Variants in SLC44A5 observed in about 807,000 individuals in gnomAD.
SLC44A5 encodes the protein solute carrier family 44 member 5.
In SLC44A5, 57 loss-of-function variants were observed where a neutral mutation model predicts 101.8. The ratio of observed to expected loss-of-function variants is 0.56; its 90% CI spans 0.45 to 0.70. The LOEUF (loss-of-function observed/expected upper bound fraction) is 0.70, where lower values mean the gene tolerates loss of function less well. SLC44A5 is among the 30% of genes least tolerant of loss of function. The pLI is 0.00. For synonymous variants in SLC44A5, 281 were observed against 290.9 expected, an observed-to-expected ratio of 0.97 and a Z score of 0.35; for missense variants, 737 against 853.1, an observed-to-expected ratio of 0.86 and a Z score of 1.70.
At chr1:75,410,202 G>T (rs1176007386) in intron 2 of SLC44A5, among the ~76,000 whole-genome samples, 2 of 152,062 alleles carry the variant, frequency 1.3e-5, no homozygotes, top group African/African-American at 2.4e-5. Context: ...CCAAAGCAGA[G>T]AAATATAACG....
intron 2 of SLC44A5, among the ~76,000 whole-genome samples, chr1:75,507,599 T>A (rs1669341060): frequency 6.6e-6 from 1 of 152,134 alleles, no homozygotes; most frequent in Admixed American, 6.6e-5. Context: ...CCTCCTCGAT[T>A]TTTTAAATGG....
Position 75,202,791 on chromosome 1 carries a change from G to A in SLC44A5, c.*936C>T, listed in dbSNP as rs1423925434. The A allele has an allele frequency of 2.0e-5, 3 of 151,838 alleles. No homozygotes were observed. The highest frequency in any genetic ancestry group is 4.8e-5 in the African/African-American group (2 of 41,340). The allele number at this position is 151,838 out of a possible 1,614,324, so 9.4% of individuals were successfully genotyped here. ...TCTTTGTAAAACACTGAGAAATGCAGTATTATACCTATTGTATTTTCAAAG... is the reference window on the plus strand; with the variant it reads ...TCTTTGTAAAACACTGAGAAATGCAATATTATACCTATTGTATTTTCAAAG... On this transcript the variant is annotated 3_prime_UTR_variant, in exon 24 of 24. Transcript: ENST00000370859.
intron 3 of SLC44A5, among the ~76,000 whole-genome samples, chr1:75,352,599 C>A (rs924297533): frequency 1.3e-5 from 2 of 151,966 alleles, no homozygotes; most frequent in Admixed American, 6.6e-5. Flanking sequence ...TTATTATATA[C>A]CCCCCAAAGA....
intron 2 of SLC44A5, among the ~76,000 whole-genome samples, chr1:75,405,789 T>G (rs2101470701): frequency 6.8e-6 from 1 of 146,976 alleles, no homozygotes; most frequent in South Asian, 2.2e-4. Flanking sequence ...ACATCACAAT[T>G]AAACGAACTA....
At chr1:75,343,086 A>G (rs2101042706) in intron 3 of SLC44A5, among the ~76,000 whole-genome samples, 1 of 152,270 alleles carries the variant, frequency 6.6e-6, no homozygotes, top group East Asian at 1.9e-4. Flanking sequence ...CTAAATGAAA[A>G]AAGCCACAGT....
At chr1:75,211,368 G>T in intron 23 of SLC44A5, 100 bp downstream of exon 23, 2 of 827,018 alleles carry the variant, frequency 2.4e-6, no homozygotes, top group Non-Finnish European at 3.9e-6. Flanking sequence ...GTTGCAGCCA[G>T]GTAACAGCAG....
chr1:75,347,685 A>AGTGTGTGT lies in SLC44A5; in HGVS notation c.53-8063_53-8056dup, dbSNP rs10677527. On this transcript the variant is annotated intron_variant, in intron 3 of 23. Coordinates refer to ENST00000370859, the MANE Select transcript of SLC44A5 (RefSeq NM_001130058.2). Reference sequence around the variant, plus strand: ...TCCCAGGGCTAAGGGAGTGGTGGTGAGTGTGTGTGTGTGTGTGTGTGTGTT... The same window carrying AGTGTGTGT: ...TCCCAGGGCTAAGGGAGTGGTGGTGAGTGTGTGTGTGTGTGTGTGTGTGTGTGTGTGTT... 5.1e-3 allele frequency among the ~76,000 whole-genome samples: 750 copies of AGTGTGTGT among 148,046 alleles called. 7 individuals are homozygous for AGTGTGTGT. The highest frequency in any genetic ancestry group is 0.018 in the African/African-American group (722 of 40,826).
chr1:75,715,735 G>A, the SLC44A5 span, among the ~76,000 whole-genome samples: 2 of 152,074 alleles, frequency 1.3e-5, no homozygotes, highest in Non-Finnish European at 1.5e-5. Context: ...CACAAGCCCT[G>A]GCAAAGATTT....
At chr1:75,361,359 A>G (rs1376971036) in intron 3 of SLC44A5, among the ~76,000 whole-genome samples, 1 of 152,128 alleles carries the variant, frequency 6.6e-6, no homozygotes, top group Non-Finnish European at 1.5e-5. Context: ...AAAAGAAGTC[A>G]TAAGAGTGAG....
At chr1:75,330,196 C>CATATATATACGTATATGCAT (rs1557669849) in intron 4 of SLC44A5, among the ~76,000 whole-genome samples, 5 of 137,230 alleles carry the variant, frequency 3.6e-5, no homozygotes, top group South Asian at 2.4e-4. Context: ...TACGTATATG[C>CATATATATACGTATATGCAT]ATATATATAT....
chr1:75,684,786 C>G, the SLC44A5 span, among the ~76,000 whole-genome samples: 11 of 152,256 alleles, frequency 7.2e-5, no homozygotes, highest in African/African-American at 2.4e-4. Context: ...TTTCCAGGTG[C>G]ATGGTGCAAG....
intron 6 of SLC44A5, among the ~76,000 whole-genome samples, chr1:75,256,096 C>T (rs566820946): frequency 6.5e-4 from 99 of 152,114 alleles, no homozygotes; most frequent in Middle Eastern, 3.4e-3. Flanking sequence ...CACATACTTA[C>T]GCTAAAAATT....
At chr1:75,657,505 A>T in the SLC44A5 span, among the ~76,000 whole-genome samples, 1,804 of 151,024 alleles carry the variant, frequency 0.012, 33 homozygotes, top group African/African-American at 0.043. Context: ...CTGGGCTCAC[A>T]CCATTGCACT....
At chr1:75,310,126 G>A (rs1379077804) in intron 4 of SLC44A5, among the ~76,000 whole-genome samples, 1 of 152,322 alleles carries the variant, frequency 6.6e-6, no homozygotes, top group Non-Finnish European at 1.5e-5. Flanking sequence ...CCTAGGTGAT[G>A]TATCTGTTAA....
chr1:75,300,312 A>T (rs1004698737), intron 5 of SLC44A5, among the ~76,000 whole-genome samples: 3 of 152,176 alleles, frequency 2.0e-5, no homozygotes. Flanking sequence ...GAACATAATT[A>T]GTTGCTTATT....
chr1:75,248,386 T>C lies in SLC44A5; in HGVS notation c.345+2824A>G, dbSNP rs972243467. ...TGATGTGCTTAATTATGCAAGAGGA[T>C]GAGATTTAATACACAAATGGATGGG... is the stretch of plus-strand genomic sequence containing the variant. On this transcript the variant is annotated intron_variant, in intron 7 of 23. Coordinates refer to ENST00000370859, the MANE Select transcript of SLC44A5 (RefSeq NM_001130058.2). Among the ~76,000 whole-genome samples the C allele has an allele frequency of 2.0e-5, 3 of 152,114 alleles. No homozygotes were observed. The East Asian group carries it at 5.8e-4, about 29-fold the overall frequency.
intron 4 of SLC44A5, among the ~76,000 whole-genome samples, chr1:75,318,469 TTAAG>T (rs796458608): frequency 4.6e-5 from 7 of 152,254 alleles, no homozygotes; most frequent in African/African-American, 1.7e-4. Context: ...AAGTGAAATA[TTAAG>T]TATTTTACTT....
chr1:75,521,372 C>T (rs1670113952), intron 2 of SLC44A5, among the ~76,000 whole-genome samples: 2 of 152,118 alleles, frequency 1.3e-5, no homozygotes, highest in Non-Finnish European at 2.9e-5. Context: ...CAAGGATCTT[C>T]TGTCATTCTT....
chr1:75,664,553 A>G, the SLC44A5 span, among the ~76,000 whole-genome samples: 2 of 152,130 alleles, frequency 1.3e-5, no homozygotes, highest in East Asian at 1.9e-4. Context: ...TCCATTTACA[A>G]TGGCCACAAA....
Sources: gnomAD v4.1 joint callset for allele counts (sites outside exome capture counted in the v4.1 genomes callset) on GRCh38, gnomAD v4.1.1 for gene constraint, MANE v1.5 for transcripts, NCBI Gene and HGNC (gene_info 2026-07-23, HGNC 2026-07-21) for gene names.